Variants in PDE4D observed in about 807,000 individuals in gnomAD.
PDE4D encodes the protein 3',5'-cyclic-AMP phosphodiesterase 4D.
Under a neutral mutation model 87.4 loss-of-function variants are expected in PDE4D, and 24 were observed. That is an observed-to-expected ratio of 0.27 (90% confidence interval 0.20 to 0.39). The LOEUF (loss-of-function observed/expected upper bound fraction) is 0.39. PDE4D is among the 10% of genes least tolerant of loss of function. The pLI is 1.00. For synonymous variants in PDE4D, 384 were observed against 383.2 expected, an observed-to-expected ratio of 1.00 and a Z score of -0.02; for missense variants, 714 against 1,041.0, an observed-to-expected ratio of 0.69 and a Z score of 4.32.
At chr5:59,925,083 G>A (rs963408590) in intron 3 of PDE4D, among the ~76,000 whole-genome samples, 1 of 146,800 alleles carries the variant, frequency 6.8e-6, no homozygotes, top group African/African-American at 2.6e-5. Flanking sequence ...GCTGAGGCAG[G>A]AGAATGGCGT....
chr5:59,457,129 T>C (rs959810406), intron 1 of PDE4D, among the ~76,000 whole-genome samples: 2 of 152,238 alleles, frequency 1.3e-5, no homozygotes, highest in Non-Finnish European at 2.9e-5. Flanking sequence ...AACAGTATAT[T>C]ACATGTTGCA....
chr5:59,546,726 G>A (rs963535084), intron 1 of PDE4D, among the ~76,000 whole-genome samples: 2 of 152,068 alleles, frequency 1.3e-5, no homozygotes, highest in African/African-American at 4.8e-5. Context: ...CCAGAATATT[G>A]TGGCTTCATA....
At chr5:60,517,363 C>T (rs539798930) in intron 1 of PDE4D, among the ~76,000 whole-genome samples, 14 of 152,288 alleles carry the variant, frequency 9.2e-5, no homozygotes, top group South Asian at 4.1e-4. Flanking sequence ...GGGCAGTTTC[C>T]GTGAAGCCCC....
In PDE4D at chr5:59,668,839, GGAAGAGGAAGAAGAA is replaced by G. The variant is rs1561441129; in HGVS notation, c.455+224314_455+224328del. The stretch of plus-strand genomic sequence containing the variant: ...AAGAAGAAGAAGAAGAAGAGGAAGA[GGAAGAGGAAGAAGAA>G]GAAGAAGAAGAAGAAGAAGAAGAAG... On this transcript the variant is annotated intron_variant, in intron 1 of 14. Transcript: ENST00000340635. Among the ~76,000 whole-genome samples, 55 of 59,204 alleles carry G rather than the reference GGAAGAGGAAGAAGAA, an allele frequency of 9.3e-4. 1 individual carries two copies. The highest frequency in any genetic ancestry group is 1.3e-3 in the Non-Finnish European group (39 of 31,098). 38.8% of individuals were successfully genotyped at this position (59,204 alleles called of 152,430 possible).
chr5:60,404,274 G>A (rs1741346977), intron 1 of PDE4D, among the ~76,000 whole-genome samples: 2 of 148,336 alleles, frequency 1.3e-5, no homozygotes, highest in Non-Finnish European at 3.0e-5. Flanking sequence ...ATGAAACTAT[G>A]TTGACTGCTT....
intron 1 of PDE4D, among the ~76,000 whole-genome samples, chr5:59,541,192 T>G (rs1335490833): frequency 1.3e-5 from 2 of 152,144 alleles, no homozygotes; most frequent in African/African-American, 4.8e-5. Context: ...TAATTTACAA[T>G]AGTACTCAGA....
intron 2 of PDE4D, among the ~76,000 whole-genome samples, chr5:60,122,499 T>TTAGC (rs1353144320): frequency 6.6e-6 from 1 of 152,258 alleles, no homozygotes; most frequent in East Asian, 1.9e-4. Context: ...ATGCCAAGGC[T>TTAGC]TAGGGCTGCT....
intron 5 of PDE4D, among the ~76,000 whole-genome samples, chr5:59,074,259 T>G (rs1179627226): frequency 6.6e-6 from 1 of 152,186 alleles, no homozygotes; most frequent in Non-Finnish European, 1.5e-5. Flanking sequence ...AGATTTATTG[T>G]CATGGCTAAT....
chr5:59,092,472 C>T (rs1023758979), intron 5 of PDE4D, among the ~76,000 whole-genome samples: 7 of 152,152 alleles, frequency 4.6e-5, no homozygotes, highest in African/African-American at 1.7e-4. Flanking sequence ...AAGCATTTTA[C>T]ATTACTAAGA....
chr5:59,352,861 C>T (rs550521110), intron 1 of PDE4D, among the ~76,000 whole-genome samples: 14 of 152,218 alleles, frequency 9.2e-5, no homozygotes, highest in African/African-American at 3.4e-4. Flanking sequence ...CAAGCATGCA[C>T]ATATGTATTT....
At chr5:59,159,640 A>T (rs570407518) in intron 5 of PDE4D, among the ~76,000 whole-genome samples, 2 of 152,366 alleles carry the variant, frequency 1.3e-5, no homozygotes, top group East Asian at 3.8e-4. Context: ...GTAGGTGAAA[A>T]GAACCCAGAA....
intron 2 of PDE4D, among the ~76,000 whole-genome samples, chr5:60,106,217 G>C (rs1776895290): frequency 6.6e-6 from 1 of 151,586 alleles, no homozygotes; most frequent in Admixed American, 6.6e-5. Flanking sequence ...CCTAGTCTCT[G>C]ATAAAACAGA....
chr5:59,930,637 T>C (rs1364773942), intron 3 of PDE4D, among the ~76,000 whole-genome samples: 2 of 152,176 alleles, frequency 1.3e-5, no homozygotes, highest in African/African-American at 4.8e-5. Flanking sequence ...GAAACTAATA[T>C]AGAATCAATC....
At chr5:59,889,953 A>G (rs956403609) in intron 1 of PDE4D, among the ~76,000 whole-genome samples, 1 of 152,154 alleles carries the variant, frequency 6.6e-6, no homozygotes, top group Non-Finnish European at 1.5e-5. Context: ...CATGGACTTA[A>G]AAGAATTGAC....
rs895806745 is a variant in PDE4D at position 60,218,242 on chromosome 5, T to C, written c.-89-32555A>G. 4.4e-4 allele frequency among the ~76,000 whole-genome samples: 67 copies of C among 151,948 alleles called. 1 individual carries two copies. The highest frequency in any genetic ancestry group is 1.3e-4 in the Non-Finnish European group (9 of 67,890). ...ACACATGAATCTCACAAACACAATA[T>C]TGAGCAAAAGAAAGCAAATATAAGG... On this transcript the variant is annotated intron_variant, in intron 1 of 16. Coordinates refer to the PDE4D transcript ENST00000502484.
chr5:60,041,643 C>T (rs1768491201), intron 2 of PDE4D, among the ~76,000 whole-genome samples: 1 of 152,040 alleles, frequency 6.6e-6, no homozygotes, highest in Non-Finnish European at 1.5e-5. Context: ...GGGTACAGAC[C>T]ACGGCGTGTG....
chr5:59,594,745 A>G (rs1426153339), intron 1 of PDE4D, among the ~76,000 whole-genome samples: 2 of 152,222 alleles, frequency 1.3e-5, no homozygotes, highest in Non-Finnish European at 2.9e-5. Context: ...CAGAAGAGGC[A>G]TCAGAACTAG....
chr5:60,135,178 C>A (rs1286835387), intron 2 of PDE4D, among the ~76,000 whole-genome samples: 2 of 152,170 alleles, frequency 1.3e-5, no homozygotes, highest in African/African-American at 4.8e-5. Flanking sequence ...CCCTTCGCCC[C>A]TTTAACCATG....
At chr5:60,025,759 A>G (rs77197907) in intron 2 of PDE4D, among the ~76,000 whole-genome samples, 1 of 152,004 alleles carries the variant, frequency 6.6e-6, no homozygotes, top group African/African-American at 2.4e-5. Context: ...TTTAAAAAAA[A>G]CCCTAAATAT....
Sources: gnomAD v4.1 joint callset for allele counts (sites outside exome capture counted in the v4.1 genomes callset) on GRCh38, gnomAD v4.1.1 for gene constraint, MANE v1.5 for transcripts, NCBI Gene and HGNC (gene_info 2026-07-23, HGNC 2026-07-21) for gene names.